FGF14: variants seen among roughly 807,000 people sequenced by gnomAD.
The protein encoded by FGF14 is fibroblast growth factor 14.
FGF14 carries 5 observed loss-of-function variants against 25.5 expected under a neutral mutation model. The observed-to-expected ratio is 0.20, with a 90% CI of 0.10 to 0.41. The LOEUF is 0.41. Among genes scored for constraint, FGF14 ranks in the 10% least tolerant of loss-of-function variants. The pLI is 1.00. For synonymous variants in FGF14, 138 were observed against 118.3 expected, an observed-to-expected ratio of 1.17 and a Z score of -1.08; for missense variants, 222 against 320.1, an observed-to-expected ratio of 0.69 and a Z score of 2.34.
chr13:102,035,750 A>T (rs2041440537), intron 1 of FGF14, among the ~76,000 whole-genome samples: 2 of 152,180 alleles, frequency 1.3e-5, no homozygotes, highest in African/African-American at 4.8e-5. Flanking sequence ...CTGGAGTCAG[A>T]GGATAAATAC....
intron 1 of FGF14, among the ~76,000 whole-genome samples, chr13:102,219,232 T>C (rs2050504868): frequency 6.6e-6 from 1 of 152,234 alleles, no homozygotes; most frequent in Non-Finnish European, 1.5e-5. Flanking sequence ...TAAAAGACAT[T>C]TTCTGTTTCC....
intron 1 of FGF14, among the ~76,000 whole-genome samples, chr13:102,361,884 ACAGTGTG>A (rs1566962530): frequency 2.6e-5 from 4 of 152,038 alleles, no homozygotes; most frequent in Admixed American, 6.6e-5. Flanking sequence ...CTCTCAAATA[ACAGTGTG>A]GACATGAAAA....
intron 1 of FGF14, among the ~76,000 whole-genome samples, chr13:102,024,345 A>G (rs1220043170): frequency 1.3e-5 from 2 of 152,030 alleles, no homozygotes; most frequent in Non-Finnish European, 2.9e-5. Context: ...ATCTCATTGT[A>G]GTTCGTATTT....
intron 1 of FGF14, among the ~76,000 whole-genome samples, chr13:102,211,222 T>C (rs1165439874): frequency 6.6e-6 from 1 of 152,164 alleles, no homozygotes; most frequent in Non-Finnish European, 1.5e-5. Flanking sequence ...GAAGAGTTAA[T>C]TAACAACACA....
intron 3 of FGF14, among the ~76,000 whole-genome samples, chr13:101,752,286 G>A (rs1192557989): frequency 1.3e-5 from 2 of 152,260 alleles, no homozygotes; most frequent in South Asian, 4.1e-4. Context: ...TCAAAAACAT[G>A]TTTATATCAT....
At chr13:101,814,947 C>G (rs2041765418) in intron 3 of FGF14, among the ~76,000 whole-genome samples, 1 of 151,812 alleles carries the variant, frequency 6.6e-6, no homozygotes, top group Non-Finnish European at 1.5e-5. Context: ...AAAATAAAAC[C>G]AAACAATAAC....
intron 3 of FGF14, among the ~76,000 whole-genome samples, chr13:101,749,964 T>C (rs2037161560): frequency 6.6e-6 from 1 of 151,488 alleles, no homozygotes; most frequent in Admixed American, 6.6e-5. Context: ...TGAGGATGAA[T>C]CCCTCCTGAA....
chr13:102,244,683 G>A (rs1419923452), intron 1 of FGF14, among the ~76,000 whole-genome samples: 1 of 151,948 alleles, frequency 6.6e-6, no homozygotes, highest in Non-Finnish European at 1.5e-5. Flanking sequence ...CTGGTTTTGT[G>A]AGGCAAATAT....
chr13:101,969,822 T>C (rs1432088863), intron 1 of FGF14, among the ~76,000 whole-genome samples: 1 of 152,132 alleles, frequency 6.6e-6, no homozygotes, highest in African/African-American at 2.4e-5. Context: ...AGAGGTTGGG[T>C]GGAGGTTGCT....
chr13:101,953,570 G>GTGTGTGTGTGTGTGTATATA lies in FGF14; in HGVS notation c.209-78275_209-78274insTATATACACACACACACACA, dbSNP rs532696085. On this transcript the variant is annotated intron_variant, in intron 1 of 4. Transcript: ENST00000376131. Reference sequence around the variant, plus strand: ...TGTGTATATATATATGTGTGTGTGTGTATATATATATATATATAATTTTTA... The same window carrying GTGTGTGTGTGTGTGTATATA: ...TGTGTATATATATATGTGTGTGTGTGTGTGTGTGTGTGTGTATATATATATATATATATATATAATTTTTA... 3.8e-4 allele frequency among the ~76,000 whole-genome samples: 53 copies of GTGTGTGTGTGTGTGTATATA among 138,140 alleles called. 1 individual carries two copies. Among genetic ancestry groups the GTGTGTGTGTGTGTGTATATA allele is most frequent in the African/African-American group, 1.3e-3 (53 of 39,388 alleles). The allele number at this position is 138,140 out of a possible 152,430, so 90.6% of individuals were successfully genotyped here.
rs567516999 is a variant in FGF14 at position 102,261,442 on chromosome 13, A to G, written c.208+140029T>C. Reference sequence around the variant, plus strand: ...ATGTAGCATCTTTAAAGAATTATAAATTAGCTGGAAGCAGCATCCAAATAG... The same window carrying G: ...ATGTAGCATCTTTAAAGAATTATAAGTTAGCTGGAAGCAGCATCCAAATAG... On this transcript the variant is annotated intron_variant, in intron 1 of 4. Transcript: ENST00000376131. Among the ~76,000 whole-genome samples, 15 of 152,354 alleles carry G rather than the reference A, an allele frequency of 9.8e-5. No individual in the cohort carries two copies. The East Asian group carries it at 2.7e-3, about 27-fold the overall frequency.
intron 1 of FGF14, among the ~76,000 whole-genome samples, chr13:102,398,264 A>G (rs1424005145): frequency 1.3e-5 from 2 of 152,200 alleles, no homozygotes; most frequent in Non-Finnish European, 2.9e-5. Context: ...GAGCTAATCA[A>G]TAACTTTTGG....
chr13:101,989,088 G>A lies in FGF14; in HGVS notation c.209-113792C>T, dbSNP rs142651556. On this transcript the variant is annotated intron_variant, in intron 1 of 4. Coordinates refer to the FGF14 transcript ENST00000376131. ...TTTTTCAATCTTTCTGGCACTAAAAGTGATTTAAAAAGAATCTTTTAATAA... is the reference window on the plus strand; with the variant it reads ...TTTTTCAATCTTTCTGGCACTAAAAATGATTTAAAAAGAATCTTTTAATAA... Among the ~76,000 whole-genome samples, 200 of 152,064 alleles carry A rather than the reference G, an allele frequency of 1.3e-3. 1 individual carries two copies. Among genetic ancestry groups the A allele is most frequent in the African/African-American group, 4.6e-3 (192 of 41,508 alleles).
chr13:101,735,163 G>A lies in FGF14; in HGVS notation c.409-8353C>T, dbSNP rs1363291315. On this transcript the variant is annotated intron_variant, in intron 3 of 4. Coordinates refer to ENST00000376143, the MANE Select transcript of FGF14 (RefSeq NM_004115.4). ...TTCCTAGAGGTGATCAAGTCCTGCC[G>A]AGATCTACAGAGCCACCTAGCCAAG... is the stretch of plus-strand genomic sequence containing the variant. Among the ~76,000 whole-genome samples the A allele has an allele frequency of 2.6e-5, 4 of 152,106 alleles. No homozygotes were observed. In the South Asian group the frequency reaches 6.2e-4, roughly 24 times the overall value.
intron 1 of FGF14, among the ~76,000 whole-genome samples, chr13:102,118,309 A>G (rs1053062657): frequency 1.3e-5 from 2 of 151,964 alleles, no homozygotes; most frequent in African/African-American, 4.8e-5. Context: ...TAATGTTAAA[A>G]AGAGAGAGAA....
intron 1 of FGF14, among the ~76,000 whole-genome samples, chr13:101,891,996 C>T (rs894232771): frequency 4.6e-5 from 7 of 151,876 alleles, no homozygotes; most frequent in African/African-American, 7.3e-5. Context: ...GTTAGAGGTA[C>T]GAAGATGTGA....
intron 1 of FGF14, among the ~76,000 whole-genome samples, chr13:102,052,422 C>G (rs1225397363): frequency 6.6e-6 from 1 of 151,616 alleles, no homozygotes; most frequent in African/African-American, 2.4e-5. Flanking sequence ...CAAGACTATA[C>G]CAAGACATAT....
At chr13:102,091,382 C>A (rs1478025215) in intron 1 of FGF14, among the ~76,000 whole-genome samples, 1 of 152,150 alleles carries the variant, frequency 6.6e-6, no homozygotes, top group Non-Finnish European at 1.5e-5. Context: ...AAGAAACTTG[C>A]CCCTTCCTGT....
chr13:101,907,318 G>A (rs554128154), intron 1 of FGF14, among the ~76,000 whole-genome samples: 2 of 152,156 alleles, frequency 1.3e-5, no homozygotes, highest in South Asian at 4.1e-4. Context: ...AATAGTTAAC[G>A]TATTAATACT....
Sources: gnomAD v4.1 joint callset for allele counts (sites outside exome capture counted in the v4.1 genomes callset) on GRCh38, gnomAD v4.1.1 for gene constraint, MANE v1.5 for transcripts, NCBI Gene and HGNC (gene_info 2026-07-23, HGNC 2026-07-21) for gene names.